Variants in DNM3 observed in about 807,000 individuals in gnomAD.
The protein encoded by DNM3 is dynamin 3, also known as dynamin-3.
In DNM3, 47 loss-of-function variants were observed where a neutral mutation model predicts 101.6. The observed-to-expected ratio is 0.46, with a 90% CI of 0.37 to 0.59. The LOEUF is 0.59. Ranked by LOEUF, DNM3 falls within the 20% of genes least tolerant of loss-of-function variation. The pLI is 0.00. For synonymous variants in DNM3, 385 were observed against 387.9 expected (o/e 0.99, Z 0.09); for missense variants, 849 against 1,085.7 (o/e 0.78, Z 3.06).
intron 13 of DNM3, among the ~76,000 whole-genome samples, chr1:172,124,324 T>C (rs180699926): frequency 4.8e-4 from 73 of 152,308 alleles, no homozygotes; most frequent in African/African-American, 1.7e-3. Flanking sequence ...AAGCCATCTA[T>C]GTGCATACTC....
intron 10 of DNM3, among the ~76,000 whole-genome samples, chr1:172,052,958 A>G (rs372822489): frequency 2.6e-5 from 4 of 152,276 alleles, no homozygotes; most frequent in African/African-American, 9.6e-5. Flanking sequence ...ATTACTTTTA[A>G]GCCTGAATTA....
chr1:172,258,625 G>A (rs1046638684), intron 15 of DNM3, among the ~76,000 whole-genome samples: 1 of 151,776 alleles, frequency 6.6e-6, no homozygotes, highest in Non-Finnish European at 1.5e-5. Flanking sequence ...TTCTGATTTT[G>A]TTTAAGTCTT....
chr1:172,377,886 C>G (rs999653532), intron 17 of DNM3, among the ~76,000 whole-genome samples: 1 of 151,648 alleles, frequency 6.6e-6, no homozygotes, highest in Non-Finnish European at 1.5e-5. Context: ...ATTTTGTGGC[C>G]CATCAATATG....
At chr1:172,327,431 A>G (rs1177258451) in intron 17 of DNM3, among the ~76,000 whole-genome samples, 1 of 152,156 alleles carries the variant, frequency 6.6e-6, no homozygotes, top group Non-Finnish European at 1.5e-5. Flanking sequence ...CAACTCCTAA[A>G]TTATTGTCCT....
intron 14 of DNM3, among the ~76,000 whole-genome samples, chr1:172,238,270 A>G (rs985881725): frequency 3.9e-5 from 6 of 152,100 alleles, no homozygotes; most frequent in African/African-American, 1.2e-4. Flanking sequence ...ACTGCCCTAC[A>G]CTTCCTGGTT....
chr1:172,353,197 G>T (rs1040407944), intron 17 of DNM3, among the ~76,000 whole-genome samples: 1 of 152,034 alleles, frequency 6.6e-6, no homozygotes, highest in African/African-American at 2.4e-5. Context: ...ATTCTATACC[G>T]GATGAACATC....
At chr1:172,217,235 A>G (rs2060733393) in intron 14 of DNM3, among the ~76,000 whole-genome samples, 1 of 152,034 alleles carries the variant, frequency 6.6e-6, no homozygotes, top group Non-Finnish European at 1.5e-5. Flanking sequence ...AGGTGGAGAA[A>G]TCTTTCTGAG....
At chr1:172,005,568 C>A (rs938478023) in intron 4 of DNM3, among the ~76,000 whole-genome samples, 2 of 151,978 alleles carry the variant, frequency 1.3e-5, no homozygotes, top group Admixed American at 6.6e-5. Flanking sequence ...AAGGTGATAA[C>A]CAAGTATGAT....
chr1:172,233,909 T>G (rs1427273209), intron 14 of DNM3, among the ~76,000 whole-genome samples: 2 of 152,114 alleles, frequency 1.3e-5, no homozygotes, highest in Admixed American at 6.6e-5. Flanking sequence ...TAAGAGCTAT[T>G]TATGATAAAC....
intron 4 of DNM3, among the ~76,000 whole-genome samples, chr1:172,004,910 A>G (rs1428658418): frequency 6.6e-6 from 1 of 152,120 alleles, no homozygotes; most frequent in Non-Finnish European, 1.5e-5. Flanking sequence ...CAGCAAGAGG[A>G]GGAAGCAGGC....
chr1:171,942,861 C>T (rs2041912397), intron 2 of DNM3, among the ~76,000 whole-genome samples: 2 of 152,138 alleles, frequency 1.3e-5, no homozygotes, highest in Admixed American at 6.5e-5. Flanking sequence ...CCTCCAATCC[C>T]AGCACTTTGG....
intron 17 of DNM3, among the ~76,000 whole-genome samples, chr1:172,348,717 G>A (rs1468790556): frequency 2.0e-5 from 3 of 152,050 alleles, no homozygotes; most frequent in Non-Finnish European, 4.4e-5. Context: ...AAAGAGACAA[G>A]GGAATTAGCA....
intron 14 of DNM3, among the ~76,000 whole-genome samples, chr1:172,248,054 A>G (rs2062028123): frequency 1.3e-5 from 2 of 152,080 alleles, no homozygotes; most frequent in South Asian, 2.1e-4. Flanking sequence ...TCATCAGTTC[A>G]TATCTCCTAG....
intron 15 of DNM3, among the ~76,000 whole-genome samples, chr1:172,272,561 G>C (rs2063129154): frequency 6.6e-6 from 1 of 152,138 alleles, no homozygotes; most frequent in Non-Finnish European, 1.5e-5. Context: ...GGCTATTTCA[G>C]TAATACTTGT....
chr1:171,864,016 T>A (rs2034458426), intron 1 of DNM3, among the ~76,000 whole-genome samples: 2 of 152,244 alleles, frequency 1.3e-5, no homozygotes, highest in African/African-American at 2.4e-5. Flanking sequence ...TTTCTTGGTT[T>A]ATTTACTCAT....
intron 1 of DNM3, among the ~76,000 whole-genome samples, chr1:171,863,288 G>A (rs931615917): frequency 6.6e-6 from 1 of 152,036 alleles, no homozygotes; most frequent in African/African-American, 2.4e-5. Context: ...CTTATCCACT[G>A]TAACTGAAAG....
In DNM3 at chr1:172,003,480, A is replaced by C. The variant is rs147341639; in HGVS notation, c.589+14332A>C. On this transcript the variant is annotated intron_variant, in intron 4 of 20. Coordinates refer to ENST00000627582, the MANE Select transcript of DNM3 (RefSeq NM_015569.5). ...AATGAAAAAAAGCGAAATTCTTCTA[A>C]AGTTCTGTAAGAACTCCATTTTTCA... 2.6e-3 allele frequency among the ~76,000 whole-genome samples: 400 copies of C among 152,038 alleles called. 2 individuals carry two copies. The highest frequency in any genetic ancestry group is 8.8e-3 in the African/African-American group (365 of 41,504).
intron 13 of DNM3, among the ~76,000 whole-genome samples, chr1:172,111,074 A>AT (rs1480149167): frequency 6.6e-6 from 1 of 152,228 alleles, no homozygotes; most frequent in Non-Finnish European, 1.5e-5. Flanking sequence ...TAGCTCTGAA[A>AT]TATGATTCTG....
intron 17 of DNM3, among the ~76,000 whole-genome samples, chr1:172,352,913 A>G (rs1291769255): frequency 1.3e-5 from 2 of 152,166 alleles, no homozygotes; most frequent in African/African-American, 2.4e-5. Context: ...ATCCTTTCCA[A>G]TAGACACAAG....
Sources: gnomAD v4.1 joint callset for allele counts (sites outside exome capture counted in the v4.1 genomes callset) on GRCh38, gnomAD v4.1.1 for gene constraint, MANE v1.5 for transcripts, NCBI Gene and HGNC (gene_info 2026-07-23, HGNC 2026-07-21) for gene names.